Variants in PBX1 observed in about 807,000 individuals in gnomAD.
The protein encoded by PBX1 is pre-B-cell leukemia transcription factor 1.
Under a neutral mutation model 53.4 loss-of-function variants are expected in PBX1, and 6 were observed. The ratio of observed to expected loss-of-function variants is 0.11; its 90% CI spans 0.06 to 0.22. The LOEUF is 0.22. PBX1 is among the 10% of genes least tolerant of loss of function. PBX1 has a pLI of 1.00. For synonymous variants in PBX1, 204 were observed against 212.3 expected (o/e 0.96, Z 0.34); for missense variants, 251 against 551.4 (o/e 0.46, Z 5.46).
chr1:164,573,585 G>A (rs1157176746), intron 2 of PBX1, among the ~76,000 whole-genome samples: 1 of 150,032 alleles, frequency 6.7e-6, no homozygotes, highest in African/African-American at 2.5e-5. Context: ...TCTGCCTCCC[G>A]GGTTCAAGGG....
chr1:164,564,160 T>C (rs959561075), intron 2 of PBX1: 1 of 152,112 alleles, frequency 6.6e-6, no homozygotes, highest in Non-Finnish European at 1.5e-5. Flanking sequence ...AACCAGGGAA[T>C]AAAGATGAGG....
At position 164,603,929 on chromosome 1, in the gene PBX1, A is replaced by ATTTTTTTTTTTT. The variant is rs71583414; in HGVS notation, c.265+40640_265+40651dup. ...GACACTCTGTACATTATGTCATTTCATTTTTTTTTTTTTTTTTTTTTTTTT... is the reference window on the plus strand; with the variant it reads ...GACACTCTGTACATTATGTCATTTCATTTTTTTTTTTTTTTTTTTTTTTTTTTTTTTTTTTTT... On this transcript the variant is annotated intron_variant, in intron 2 of 8. Coordinates refer to ENST00000420696, the MANE Select transcript of PBX1 (RefSeq NM_002585.4). 4.2e-3 allele frequency among the ~76,000 whole-genome samples: 316 copies of ATTTTTTTTTTTT among 75,730 alleles called. 64 individuals carry two copies. Among genetic ancestry groups the ATTTTTTTTTTTT allele is most frequent in the African/African-American group, 5.2e-3 (85 of 16,204 alleles). The allele number at this position is 75,730 out of a possible 152,430, so 49.7% of individuals were successfully genotyped here. A position where few individuals can be genotyped will look rare whatever the true frequency, so the allele number is the denominator to read the frequency against.
At chr1:164,864,471 G>A (rs1461750522) in intron 2 of PBX1, among the ~76,000 whole-genome samples, 1 of 152,104 alleles carries the variant, frequency 6.6e-6, no homozygotes, top group Non-Finnish European at 1.5e-5. Flanking sequence ...TTATTTGTTT[G>A]CTTTAGCATA....
At chr1:164,792,041 T>G (rs1668539491) in intron 2 of PBX1, among the ~76,000 whole-genome samples, 1 of 152,142 alleles carries the variant, frequency 6.6e-6, no homozygotes. Flanking sequence ...GCCAGGATGG[T>G]CTCGATCTCC....
intron 2 of PBX1, among the ~76,000 whole-genome samples, chr1:164,626,358 C>A (rs898391603): frequency 1.3e-5 from 2 of 152,090 alleles, no homozygotes; most frequent in African/African-American, 4.8e-5. Context: ...TTGAAAATGC[C>A]ATGGATTAAA....
intron 4 of PBX1, among the ~76,000 whole-genome samples, chr1:164,807,320 A>T (rs2102336095): frequency 6.6e-6 from 1 of 152,334 alleles, no homozygotes; most frequent in South Asian, 2.1e-4. Flanking sequence ...CTGCAAAAAT[A>T]TCTGTGACCA....
intron 2 of PBX1, among the ~76,000 whole-genome samples, chr1:164,589,936 C>T (rs150259034): frequency 4.6e-5 from 7 of 152,276 alleles, no homozygotes; most frequent in East Asian, 1.9e-4. Context: ...AGGCCAGGTG[C>T]GGTGGCTCAT....
rs1661534110 is a variant in PBX1, at chr1:164,677,958, G to A, written c.266-114536G>A. On this transcript the variant is annotated intron_variant, in intron 2 of 8. Transcript: ENST00000420696. ...TTTTGTTAAAAACCCTATCCATTTA[G>A]TATTATTGGCTCCATTTTAAAGAAA... Among the ~76,000 whole-genome samples, 2 of 152,182 alleles carry A rather than the reference G, an allele frequency of 1.3e-5. 1 individual carries two copies. Among genetic ancestry groups the A allele is most frequent in the South Asian group, 4.1e-4 (2 of 4,832 alleles).
chr1:164,620,637 A>G (rs992769869), intron 2 of PBX1, among the ~76,000 whole-genome samples: 5 of 152,090 alleles, frequency 3.3e-5, no homozygotes, highest in Non-Finnish European at 7.4e-5. Context: ...TGTTGACTTC[A>G]GGTTTTGAGA....
chr1:164,749,138 A>G (rs1275517926), intron 2 of PBX1, among the ~76,000 whole-genome samples: 1 of 152,204 alleles, frequency 6.6e-6, no homozygotes, highest in African/African-American at 2.4e-5. Flanking sequence ...ACAAAGGGAA[A>G]AAAAAGCTGA....
intron 2 of PBX1, among the ~76,000 whole-genome samples, chr1:164,758,698 C>A (rs1666653071): frequency 6.6e-6 from 1 of 151,932 alleles, no homozygotes. Flanking sequence ...AGAGTTAGAT[C>A]ACTTTTTTTT....
intron 2 of PBX1, among the ~76,000 whole-genome samples, chr1:164,663,394 A>T (rs911779345): frequency 6.6e-6 from 1 of 151,944 alleles, no homozygotes; most frequent in South Asian, 2.1e-4. Context: ...AGTAGAAAGT[A>T]TCTTAGTAGG....
chr1:164,589,224 G>GC (rs1655183222), intron 2 of PBX1, among the ~76,000 whole-genome samples: 1 of 152,058 alleles, frequency 6.6e-6, no homozygotes, highest in Non-Finnish European at 1.5e-5. Flanking sequence ...GGAAGGAGGA[G>GC]GGGGGCGCGG....
At chr1:164,699,522 G>A (rs1212810433) in intron 2 of PBX1, among the ~76,000 whole-genome samples, 1 of 152,174 alleles carries the variant, frequency 6.6e-6, no homozygotes, top group African/African-American at 2.4e-5. Flanking sequence ...TGAACAGGGT[G>A]TCACACATGT....
intron 2 of PBX1, among the ~76,000 whole-genome samples, chr1:164,718,396 A>G (rs1664226479): frequency 6.6e-6 from 1 of 152,184 alleles, no homozygotes; most frequent in East Asian, 1.9e-4. Context: ...AACTTTGAGG[A>G]CATAACTCTG....
intron 2 of PBX1, among the ~76,000 whole-genome samples, chr1:164,745,443 A>C (rs1665841375): frequency 6.6e-6 from 1 of 152,118 alleles, no homozygotes; most frequent in South Asian, 2.1e-4. Context: ...TTATTTTTTC[A>C]CCAAAGTGCT....
At chr1:164,804,743 A>G (rs1009129763) in intron 4 of PBX1, among the ~76,000 whole-genome samples, 1 of 152,236 alleles carries the variant, frequency 6.6e-6, no homozygotes, top group Admixed American at 6.5e-5. Flanking sequence ...TGATGAAGGT[A>G]AGAAAGCAGG....
intron 2 of PBX1, among the ~76,000 whole-genome samples, chr1:164,762,493 T>C (rs74121216): frequency 1.3e-5 from 2 of 152,216 alleles, no homozygotes; most frequent in Admixed American, 6.5e-5. Flanking sequence ...TTAAAAAATA[T>C]AAAGTGTGCT....
rs562902801 is a variant in PBX1 at position 164,878,964 on chromosome 1, T to C, written n.258-20224T>C. ...AAGCATAGGAGAAACTTAAGTGTTC[T>C]TTGTATGAGCCTCAGGTTTTAGAGC... On this transcript the variant is annotated intron_variant and non_coding_transcript_variant, in intron 2 of 2. Transcript: ENST00000558796. Among the ~76,000 whole-genome samples, 53 of 152,300 alleles carry C rather than the reference T, an allele frequency of 3.5e-4. 2 individuals carry two copies. The South Asian group carries it at 0.011, about 30-fold the overall frequency.
Sources: gnomAD v4.1 joint callset for allele counts (sites outside exome capture counted in the v4.1 genomes callset) on GRCh38, gnomAD v4.1.1 for gene constraint, MANE v1.5 for transcripts, NCBI Gene and HGNC (gene_info 2026-07-23, HGNC 2026-07-21) for gene names.